Variants in CACNG2 observed in about 807,000 individuals in gnomAD.
The protein encoded by CACNG2 is voltage-dependent calcium channel gamma-2 subunit.
In CACNG2, 3 loss-of-function variants were observed where a neutral mutation model predicts 25.9. The ratio of observed to expected loss-of-function variants is 0.12; its 90% CI spans 0.05 to 0.30. The LOEUF is 0.30. CACNG2 is among the 10% of genes least tolerant of loss of function. CACNG2 has a pLI of 1.00. For synonymous variants in CACNG2, 167 were observed against 173.3 expected (o/e 0.96, Z 0.29); for missense variants, 341 against 432.5 (o/e 0.79, Z 1.88).
At chr22:36,580,918 C>T (rs749916156) in intron 2 of CACNG2, among the ~76,000 whole-genome samples, 2 of 152,116 alleles carry the variant, frequency 1.3e-5, no homozygotes, top group African/African-American at 4.8e-5. Flanking sequence ...AGCGCTTACA[C>T]ATTCAGACAT....
At chr22:36,593,154 C>T (rs945487536) in intron 1 of CACNG2, among the ~76,000 whole-genome samples, 21 of 152,204 alleles carry the variant, frequency 1.4e-4, no homozygotes, top group Admixed American at 1.1e-3. Flanking sequence ...CTTCCCCCAG[C>T]CAGCTTCCCT....
At chr22:36,613,761 C>T (rs114027544) in intron 1 of CACNG2, among the ~76,000 whole-genome samples, 4 of 152,118 alleles carry the variant, frequency 2.6e-5, no homozygotes, top group Admixed American at 6.5e-5. Context: ...CCGTGAATAT[C>T]CCACAGATAT....
chr22:36,591,044 T>A (rs116530168), intron 1 of CACNG2, among the ~76,000 whole-genome samples: 21,557 of 139,478 alleles, frequency 0.15, 3,734 homozygotes, highest in African/African-American at 0.45. Flanking sequence ...GGAGATATAT[T>A]TTTTTTTTTT....
intron 1 of CACNG2, among the ~76,000 whole-genome samples, chr22:36,638,886 G>C (rs553518896): frequency 6.6e-6 from 1 of 152,300 alleles, no homozygotes; most frequent in South Asian, 2.1e-4. Context: ...AAGTGCATGT[G>C]AGCATATTTA....
chr22:36,601,848 T>G (rs1935758435), intron 1 of CACNG2, among the ~76,000 whole-genome samples: 2 of 152,300 alleles, frequency 1.3e-5, no homozygotes, highest in African/African-American at 4.8e-5. Context: ...GACATATTGC[T>G]GGGTCATATG....
chr22:36,645,832 T>C (rs1936515338), intron 1 of CACNG2, among the ~76,000 whole-genome samples: 1 of 152,140 alleles, frequency 6.6e-6, no homozygotes, highest in African/African-American at 2.4e-5. Flanking sequence ...CATAAACAAA[T>C]GTGAAAAGAA....
At chr22:36,624,991 G>A (rs1176593519) in intron 1 of CACNG2, among the ~76,000 whole-genome samples, 3 of 123,628 alleles carry the variant, frequency 2.4e-5, no homozygotes, top group Non-Finnish European at 4.8e-5. Flanking sequence ...TCATGCCACT[G>A]CACTCCAGCC....
intron 2 of CACNG2, among the ~76,000 whole-genome samples, chr22:36,569,824 G>A (rs1569015607): frequency 1.3e-5 from 2 of 152,326 alleles, no homozygotes; most frequent in South Asian, 2.1e-4. Context: ...ACAGGCCTGA[G>A]CCACCGCGCC....
At chr22:36,607,420 T>C (rs965111874) in intron 1 of CACNG2, among the ~76,000 whole-genome samples, 1 of 152,152 alleles carries the variant, frequency 6.6e-6, no homozygotes, top group Non-Finnish European at 1.5e-5. Context: ...CATGCTCAGC[T>C]AATTTTTGTA....
At chr22:36,680,642 A>G (rs1019365772) in intron 1 of CACNG2, among the ~76,000 whole-genome samples, 2 of 126,362 alleles carry the variant, frequency 1.6e-5, no homozygotes, top group African/African-American at 3.0e-5. Context: ...TAACACCACC[A>G]TCATTATCAC....
chr22:36,621,803 T>C (rs1936109987), intron 1 of CACNG2, among the ~76,000 whole-genome samples: 1 of 152,174 alleles, frequency 6.6e-6, no homozygotes, highest in Non-Finnish European at 1.5e-5. Context: ...GAAAAGATGC[T>C]GGAAATAGTA....
rs186674816 is a variant in CACNG2 at position 36,689,685 on chromosome 22, C to T, written c.211+12681G>A. Among the ~76,000 whole-genome samples, 464 of 152,306 alleles carry T rather than the reference C, an allele frequency of 3.0e-3. 3 individuals carry two copies. Among genetic ancestry groups the T allele is most frequent in the African/African-American group, 0.011 (439 of 41,552 alleles). ...TAGAAATGAGAAGTAGTAAATCTCTCGGTCCTGCAGCAGGTCTCCCTCCCA... is the reference window on the plus strand; with the variant it reads ...TAGAAATGAGAAGTAGTAAATCTCTTGGTCCTGCAGCAGGTCTCCCTCCCA... On this transcript the variant is annotated intron_variant, in intron 1 of 3. Coordinates refer to ENST00000300105, the MANE Select transcript of CACNG2 (RefSeq NM_006078.5).
At chr22:36,696,988 C>T (rs1041338688) in intron 1 of CACNG2, among the ~76,000 whole-genome samples, 1 of 152,200 alleles carries the variant, frequency 6.6e-6, no homozygotes, top group Non-Finnish European at 1.5e-5. Context: ...ACAAAAACTT[C>T]ATCTGAAAAC....
intron 2 of CACNG2, among the ~76,000 whole-genome samples, chr22:36,582,002 C>A (rs1935425932): frequency 6.6e-6 from 1 of 152,220 alleles, no homozygotes; most frequent in African/African-American, 2.4e-5. Context: ...CCACATTCAG[C>A]CTTTCAGAAA....
chr22:36,644,806 GTTTGTT>G (rs375847301), intron 1 of CACNG2, among the ~76,000 whole-genome samples: 17 of 151,902 alleles, frequency 1.1e-4, no homozygotes, highest in African/African-American at 1.9e-4. Context: ...GGTTTTTTTT[GTTTGTT>G]TTTGTTTTTG....
At chr22:36,589,471 A>T (rs1935554483) in intron 1 of CACNG2, among the ~76,000 whole-genome samples, 1 of 152,242 alleles carries the variant, frequency 6.6e-6, no homozygotes. Context: ...TAGGAATATA[A>T]GCATTTTAGG....
intron 1 of CACNG2, among the ~76,000 whole-genome samples, chr22:36,623,526 T>C (rs867630140): frequency 7.9e-5 from 12 of 152,282 alleles, no homozygotes; most frequent in Middle Eastern, 3.4e-3. Flanking sequence ...GTAACAGGAA[T>C]ATCTACTCGA....
chr22:36,578,799 C>A (rs1335438208), intron 2 of CACNG2, among the ~76,000 whole-genome samples: 2 of 152,136 alleles, frequency 1.3e-5, no homozygotes, highest in African/African-American at 4.8e-5. Context: ...ATTCACTTAG[C>A]AAACCTCTCC....
chr22:36,600,125 T>C (rs1476378212), intron 1 of CACNG2, among the ~76,000 whole-genome samples: 1 of 152,186 alleles, frequency 6.6e-6, no homozygotes, highest in East Asian at 1.9e-4. Flanking sequence ...GAGAGCTGCA[T>C]GATGGTAGAA....
Sources: gnomAD v4.1 joint callset for allele counts (sites outside exome capture counted in the v4.1 genomes callset) on GRCh38, gnomAD v4.1.1 for gene constraint, MANE v1.5 for transcripts, NCBI Gene and HGNC (gene_info 2026-07-23, HGNC 2026-07-21) for gene names.